Variants in NOTCH2 observed in about 807,000 individuals in gnomAD.
NOTCH2 encodes the protein neurogenic locus notch homolog protein 2.
A neutral mutation model predicts 235.8 loss-of-function variants in NOTCH2; 29 were observed. The ratio of observed to expected loss-of-function variants is 0.12; its 90% CI spans 0.09 to 0.17. The LOEUF (loss-of-function observed/expected upper bound fraction) is 0.17, where lower values mean the gene tolerates loss of function less well. NOTCH2 is among the 10% of genes least tolerant of loss of function. The probability of loss-of-function intolerance (pLI) is 1.00; values close to 1 mark genes in which losing one functional copy is unlikely to be tolerated. For missense variants in NOTCH2, 2,285 were observed against 3,150.2 expected (o/e 0.73, Z 6.57); for synonymous variants, 1,086 against 1,141.5 (o/e 0.95, Z 0.98).
At chr1:119,953,210 C>T (rs1553197995) in intron 14 of NOTCH2, among the ~76,000 whole-genome samples, 1 of 151,900 alleles carries the variant, frequency 6.6e-6, no homozygotes, top group African/African-American at 2.4e-5. Context: ...ACTAGGGAGG[C>T]TGAGGCAGGA....
Position 120,041,893 on chromosome 1 carries a change from AAGAG to A in NOTCH2, c.74-11910_74-11907del, listed in dbSNP as rs1206332836. On this transcript the variant is annotated intron_variant, in intron 1 of 33. Transcript: ENST00000256646. ...AGAAAAAAAAGAAAGAAAAAAAGAA[AAGAG>A]AGAGAGGAAGGGAAAGGGAAAGAGA... Among the ~76,000 whole-genome samples, 223 of 141,380 alleles carry A rather than the reference AAGAG, an allele frequency of 1.6e-3. 1 individual carries two copies. The highest frequency in any genetic ancestry group is 6.3e-3 in the African/African-American group (217 of 34,648). 92.8% of individuals were successfully genotyped at this position (141,380 alleles called of 152,430 possible). A position where few individuals can be genotyped will look rare whatever the true frequency, so the allele number is the denominator to read the frequency against.
Position 119,997,183 on chromosome 1 carries a change from G to T in NOTCH2, c.565C>A (p.Pro189Thr). The T allele has an allele frequency of 6.2e-7, 1 of 1,613,996 alleles. No individual in the cohort carries two copies. The highest frequency in any genetic ancestry group is 8.5e-7 in the Non-Finnish European group (1 of 1,179,860). ...GTGCCACCATGCTGGCAGTGTCCTG[G>T]AATGTCACACTCATTGACATCAGTC... ...CETDVNECDI[P>T]GHCQHGGTCL... is the part of the protein sequence containing the mutation. Residue 189 changes from proline (P) to threonine (T), a missense_variant, in exon 4 of 34, where the codon CCA (proline) becomes ACA (threonine). Physicochemically the swap from Pro to Thr is conservative, Grantham distance 38. This residue lies in a region of NOTCH2 where 431 missense variants were observed against 757.8 expected (regional missense o/e 0.57). Transcript: ENST00000256646.
At chr1:119,955,331 G>T in intron 12 of NOTCH2, 99 bp from the exon 13 acceptor site, 1 of 1,243,392 alleles carries the variant, frequency 8.0e-7, no homozygotes, top group Non-Finnish European at 1.2e-6. Context: ...ATCTGCTCAG[G>T]CCATAAGGTG....
intron 25 of NOTCH2, among the ~76,000 whole-genome samples, chr1:119,924,352 G>A (rs375305278): frequency 3.3e-5 from 5 of 152,114 alleles, no homozygotes; most frequent in Admixed American, 6.5e-5. Flanking sequence ...AGGTAACAAC[G>A]GGCTTTAGGA....
At chr1:119,923,581 G>A in intron 26 of NOTCH2, 56 bp downstream of exon 26, 4 of 1,448,088 alleles carry the variant, frequency 2.8e-6, no homozygotes, top group Non-Finnish European at 3.9e-6. Context: ...TGTGCTATAT[G>A]TCAAAGTGCT....
At chr1:119,916,787 C>CGA (rs1448283806) in intron 33 of NOTCH2, 93 bp from the exon 34 acceptor site, 7 of 1,266,888 alleles carry the variant, frequency 5.5e-6, no homozygotes, top group Non-Finnish European at 7.9e-6. Context: ...CCCCCTTAGA[C>CGA]ATGTTTTCCT....
In NOTCH2 at chr1:119,923,864, T is replaced by C; in HGVS notation, c.4632A>G (p.Glu1544=). 6.2e-7 allele frequency: 1 copy of C among 1,614,178 alleles called. No individual in the cohort carries two copies. Among genetic ancestry groups the C allele is most frequent in the Non-Finnish European group, 8.5e-7 (1 of 1,180,028 alleles). ...CAADQPENLA[E]GTLVIVVLMP... ...TCAATACCACAATAACCAGGGTACC[T>C]TCTGCCAGGTTCTCAGGTTGGTCAG... The change falls in exon 26 of 34, where the codon GAA becomes GAG. Residue 1544 remains glutamate (E), a synonymous_variant. Coordinates refer to ENST00000256646, the MANE Select transcript of NOTCH2 (RefSeq NM_024408.4).
Position 119,950,834 on chromosome 1 carries a change from T to C in NOTCH2, c.2369A>G (p.Tyr790Cys), listed in dbSNP as rs782522898. The change falls in exon 15 of 34, where the codon TAT becomes TGT. Residue 790 changes from tyrosine (Y) to cysteine (C), a missense_variant. Physicochemically the swap from Tyr to Cys is radical, Grantham distance 194. Transcript: ENST00000256646. ...TTCATCAATATTCACCTGGCAGTTA[T>C]AGCCTGTAGACAAAAGGAAAAAACC... ...RCTCKKGFKG[Y>C]NCQVNIDECA... 1.9e-6 allele frequency: 3 copies of C among 1,606,186 alleles called. No individual in the cohort carries two copies. Among genetic ancestry groups the C allele is most frequent in the Non-Finnish European group, 2.6e-6 (3 of 1,172,722 alleles).
intron 31 of NOTCH2, 43 bp from the exon 32 acceptor site, chr1:119,918,596 A>C: frequency 6.2e-7 from 1 of 1,606,956 alleles, no homozygotes; most frequent in South Asian, 1.1e-5. Flanking sequence ...ACCTGGATGA[A>C]GGAAAATAAT....
intron 3 of NOTCH2, among the ~76,000 whole-genome samples, chr1:120,004,901 T>C (rs1394365844): frequency 2.0e-5 from 3 of 152,132 alleles, no homozygotes; most frequent in African/African-American, 2.4e-5. Context: ...GCCTCCCAAG[T>C]AGTTAGGACT....
At chr1:120,038,999 A>G (rs1253034375) in intron 1 of NOTCH2, among the ~76,000 whole-genome samples, 13 of 152,006 alleles carry the variant, frequency 8.6e-5, no homozygotes, top group Non-Finnish European at 1.9e-4. Context: ...AAACAGAGTA[A>G]TAAAAAAATT....
intron 3 of NOTCH2, among the ~76,000 whole-genome samples, chr1:120,005,068 G>A (rs375441401): frequency 4.4e-4 from 67 of 152,282 alleles, no homozygotes; most frequent in Non-Finnish European, 8.1e-4. Flanking sequence ...GATTGCAAGC[G>A]TGCACCACCG....
intron 20 of NOTCH2, 143 bp from the exon 21 acceptor site, chr1:119,937,609 T>G (rs187798820): frequency 5.9e-5 from 50 of 846,336 alleles, no homozygotes; most frequent in African/African-American, 5.5e-4. Flanking sequence ...CAGTACCAGA[T>G]GCATATTAAA....
intron 5 of NOTCH2, among the ~76,000 whole-genome samples, chr1:119,979,324 T>C (rs1480528562): frequency 2.6e-5 from 4 of 152,016 alleles, no homozygotes; most frequent in Non-Finnish European, 4.4e-5. Flanking sequence ...CTACAACAAA[T>C]GAAAAAGAAG....
Position 119,919,345 on chromosome 1 carries a change from A to G in NOTCH2, c.5748T>C (p.Ala1916=). 6.2e-7 allele frequency: 1 copy of G among 1,613,186 alleles called. No individual in the cohort carries two copies. Among genetic ancestry groups the G allele is most frequent in the Non-Finnish European group, 8.5e-7 (1 of 1,180,036 alleles). The part of the protein sequence containing the change: ...QDNMGRCPLH[A]AVAADAQGVF... ...CACCTTGGGCATCAGCTGCCACTGC[A>G]GCATGGAGTGGACAGCGGCCCATGT... Residue 1916 remains alanine (A), a synonymous_variant, in exon 31 of 34, where the codon GCT becomes GCC. Coordinates refer to ENST00000256646, the MANE Select transcript of NOTCH2 (RefSeq NM_024408.4).
rs1243715332 is a variant in NOTCH2 at position 120,060,288 on chromosome 1, TG to T, written c.73+9045del. Reference sequence around the variant, plus strand: ...GGCAATACAAACGCCACTGATGATATGAAAAAACATTCAATATCACTGTAAT... The same window carrying T: ...GGCAATACAAACGCCACTGATGATATAAAAAACATTCAATATCACTGTAAT... On this transcript the variant is annotated intron_variant, in intron 1 of 33. Transcript: ENST00000256646. Among the ~76,000 whole-genome samples the T allele has an allele frequency of 4.9e-5, 7 of 142,756 alleles. No homozygotes were observed. In the East Asian group the frequency reaches 1.4e-3, roughly 29 times the overall value. 93.7% of individuals were successfully genotyped at this position (142,756 alleles called of 152,430 possible).
In NOTCH2 at chr1:119,925,787, C is replaced by A; in HGVS notation, c.4029G>T (p.Gln1343His). ...TACATTTCACTTGTCCACAGCTGCTCTGGCACCTTGCCCCGGAAAATCCCT... is the reference window on the plus strand; with the variant it reads ...TACATTTCACTTGTCCACAGCTGCTATGGCACCTTGCCCCGGAAAATCCCT... Reference protein sequence around the residue: ...CPPGFSGARCQSSCGQVKCRK... With the variant: ...CPPGFSGARCHSSCGQVKCRK... Residue 1343 changes from glutamine (Q) to histidine (H), a missense_variant, in exon 25 of 34, where the codon CAG (glutamine) becomes CAT (histidine). Gln to His is a conservative substitution (Grantham distance 24, BLOSUM62 0). Transcript: ENST00000256646. 1.2e-6 allele frequency: 2 copies of A among 1,614,164 alleles called. No homozygotes were observed. The highest frequency in any genetic ancestry group is 1.7e-6 in the Non-Finnish European group (2 of 1,180,042).
intron 12 of NOTCH2, among the ~76,000 whole-genome samples, chr1:119,958,713 G>GATGT (rs1650806487): frequency 2.6e-5 from 2 of 77,770 alleles, no homozygotes; most frequent in South Asian, 8.8e-4. Flanking sequence ...AGAGAGAGAA[G>GATGT]ATGTGTGTGT....
intron 32 of NOTCH2, 121 bp downstream of exon 32, chr1:119,918,285 A>C: frequency 9.1e-7 from 1 of 1,094,098 alleles, no homozygotes; most frequent in Non-Finnish European, 1.4e-6. Flanking sequence ...GAATGAAAGA[A>C]TGAGTGAATC....
Sources: gnomAD v4.1 joint callset for allele counts (sites outside exome capture counted in the v4.1 genomes callset) on GRCh38, gnomAD v4.1.1 for gene constraint, gnomAD v4.1.1 regional missense constraint, MANE v1.5 for transcripts, NCBI Gene and HGNC (gene_info 2026-07-23, HGNC 2026-07-21) for gene names.